Variants in TRIO observed in about 807,000 individuals in gnomAD.
TRIO encodes the protein trio Rho guanine nucleotide exchange factor, also known as triple functional domain protein.
Under a neutral mutation model 351.9 loss-of-function variants are expected in TRIO, and 58 were observed. That is an observed-to-expected ratio of 0.16 (90% CI 0.13 to 0.21). The LOEUF (loss-of-function observed/expected upper bound fraction) is 0.21. Among genes scored for constraint, TRIO ranks in the 10% least tolerant of loss-of-function variants. TRIO has a pLI of 1.00. For missense variants in TRIO, 3,201 were observed against 4,027.8 expected, an observed-to-expected ratio of 0.79 and a Z score of 5.56; for synonymous variants, 1,758 against 1,595.7, an observed-to-expected ratio of 1.10 and a Z score of -2.42.
At chr5:14,303,488 A>T (rs1386957876) in intron 7 of TRIO, among the ~76,000 whole-genome samples, 8 of 146,836 alleles carry the variant, frequency 5.4e-5, no homozygotes, top group Non-Finnish European at 3.0e-5. Flanking sequence ...GATCCTGGAG[A>T]TGGAGGGTGG....
intron 34 of TRIO, among the ~76,000 whole-genome samples, chr5:14,460,126 C>G (rs1753662257): frequency 6.6e-6 from 1 of 152,148 alleles, no homozygotes; most frequent in South Asian, 2.1e-4. Context: ...CCATGTTAGC[C>G]AGGATAGTCT....
At chr5:14,294,469 T>C (rs1475794527) in intron 6 of TRIO, among the ~76,000 whole-genome samples, 1 of 152,202 alleles carries the variant, frequency 6.6e-6, no homozygotes, top group Non-Finnish European at 1.5e-5. Flanking sequence ...TTTCTGAAAC[T>C]TTTGGCAAGA....
intron 34 of TRIO, among the ~76,000 whole-genome samples, chr5:14,427,024 C>T (rs1750700319): frequency 6.6e-6 from 1 of 152,160 alleles, no homozygotes; most frequent in Non-Finnish European, 1.5e-5. Flanking sequence ...AATGAATGTG[C>T]CAGGCCCTAT....
At chr5:14,213,386 A>G (rs1449729310) in intron 1 of TRIO, among the ~76,000 whole-genome samples, 1 of 149,988 alleles carries the variant, frequency 6.7e-6, no homozygotes, top group African/African-American at 2.4e-5. Context: ...CTATATATAT[A>G]TATTAACTTG....
chr5:14,179,525 T>C (rs922711139), intron 1 of TRIO, among the ~76,000 whole-genome samples: 7 of 151,562 alleles, frequency 4.6e-5, no homozygotes, highest in Non-Finnish European at 1.0e-4. Flanking sequence ...AGTGGCACAA[T>C]CACGGCTCAC....
At chr5:14,472,508 G>T in intron 38 of TRIO, 84 bp from the exon 39 acceptor site, 1 of 1,397,874 alleles carries the variant, frequency 7.2e-7, no homozygotes, top group South Asian at 1.2e-5. Flanking sequence ...GTCCTGGAAG[G>T]AGTCCATCTT....
chr5:14,191,090 TG>T (rs151076794), intron 1 of TRIO, among the ~76,000 whole-genome samples: 6,510 of 152,242 alleles, frequency 0.043, 469 homozygotes, highest in African/African-American at 0.15. Flanking sequence ...ACATGGGACA[TG>T]GTGGCTCGCA....
At chr5:14,395,567 G>A (rs889219686) in intron 28 of TRIO, among the ~76,000 whole-genome samples, 2 of 152,196 alleles carry the variant, frequency 1.3e-5, no homozygotes, top group South Asian at 2.1e-4. Flanking sequence ...GCATTTGTGA[G>A]CAGTGTTTGC....
At chr5:14,198,638 G>A (rs1790917696) in intron 1 of TRIO, among the ~76,000 whole-genome samples, 1 of 151,608 alleles carries the variant, frequency 6.6e-6, no homozygotes, top group Admixed American at 6.6e-5. Context: ...TAAGGTGTGA[G>A]GGCCTTTGCA....
At chr5:14,217,050 G>C (rs1792270042) in intron 1 of TRIO, among the ~76,000 whole-genome samples, 7 of 152,214 alleles carry the variant, frequency 4.6e-5, no homozygotes, top group Admixed American at 4.6e-4. Context: ...TATGTGAGCA[G>C]AGGCCCAGAT....
Position 14,453,940 on chromosome 5 carries a change from C to CT in TRIO, c.5204-7068dup, listed in dbSNP as rs1208943509. 1.6e-3 allele frequency among the ~76,000 whole-genome samples: 235 copies of CT among 147,136 alleles called. 2 individuals are homozygous for CT. Among genetic ancestry groups the CT allele is most frequent in the Middle Eastern group, 3.5e-3 (1 of 286 alleles). On this transcript the variant is annotated intron_variant, in intron 34 of 56. Transcript: ENST00000344204. ...CTATTTCTTTGCATAATAGATGCAT[C>CT]TTTTTTTTTTTGAGACAGGGTCTCA...
At chr5:14,400,832 G>A in intron 30 of TRIO, 131 bp from the exon 31 acceptor site, 1 of 730,044 alleles carries the variant, frequency 1.4e-6, no homozygotes, top group Non-Finnish European at 2.3e-6. Flanking sequence ...TCACATGACA[G>A]CTGAGATCAC....
chr5:14,241,016 T>C (rs188995206), intron 1 of TRIO, among the ~76,000 whole-genome samples: 2 of 152,336 alleles, frequency 1.3e-5, no homozygotes, highest in Admixed American at 1.3e-4. Flanking sequence ...TGAGGTTTTT[T>C]AGGGAAATAG....
intron 11 of TRIO, among the ~76,000 whole-genome samples, chr5:14,338,721 A>G (rs962508617): frequency 6.6e-6 from 1 of 152,204 alleles, no homozygotes; most frequent in Admixed American, 6.5e-5. Flanking sequence ...CAGTGACCAC[A>G]GTTGCCCTGG....
intron 13 of TRIO, among the ~76,000 whole-genome samples, chr5:14,361,439 T>C (rs1016375538): frequency 2.6e-5 from 4 of 152,198 alleles, no homozygotes; most frequent in Non-Finnish European, 5.9e-5. Flanking sequence ...GCTTCAGATA[T>C]GGTTCAGAAG....
chr5:14,471,631 G>A (rs1754695615), intron 38 of TRIO, among the ~76,000 whole-genome samples, 165 bp downstream of exon 38: 1 of 152,056 alleles, frequency 6.6e-6, no homozygotes, highest in African/African-American at 2.4e-5. Context: ...CCTAATAAGG[G>A]CACAGTATTC....
At chr5:14,272,710 A>G (rs1428245610) in intron 2 of TRIO, among the ~76,000 whole-genome samples, 1 of 152,220 alleles carries the variant, frequency 6.6e-6, no homozygotes, top group East Asian at 1.9e-4. Flanking sequence ...TGACGTTAGT[A>G]GGTGTCACCT....
At chr5:14,401,487 A>G (rs901820973) in intron 31 of TRIO, among the ~76,000 whole-genome samples, 4 of 152,228 alleles carry the variant, frequency 2.6e-5, no homozygotes, top group African/African-American at 9.6e-5. Flanking sequence ...GTCGAGGCCA[A>G]CCGTACCCAC....
chr5:14,504,555 C>T lies in TRIO; in HGVS notation c.8574C>T (p.Thr2858=). 1.2e-6 allele frequency: 2 copies of T among 1,614,144 alleles called. No individual in the cohort carries two copies. The highest frequency in any genetic ancestry group is 1.7e-6 in the Non-Finnish European group (2 of 1,180,024). The part of the protein sequence containing the change: ...QHPLLVGLLD[T]FETPTSYILV... ...CCCTGCTTGTCGGCCTCCTCGACACCTTTGAGACCCCCACCAGCTACATCC... is the reference window on the plus strand; with the variant it reads ...CCCTGCTTGTCGGCCTCCTCGACACTTTTGAGACCCCCACCAGCTACATCC... Residue 2858 remains threonine, a synonymous_variant, in exon 55 of 57, where the codon ACC becomes ACT. Coordinates refer to ENST00000344204, the MANE Select transcript of TRIO (RefSeq NM_007118.4).
Sources: allele counts gnomAD v4.1 joint callset (sites outside exome capture counted in the v4.1 genomes callset), GRCh38; gene constraint gnomAD v4.1.1; transcripts MANE v1.5; gene names NCBI Gene and HGNC (gene_info 2026-07-23, HGNC 2026-07-21).